The following OPRPN variants were observed in gnomAD, a reference collection of about 807,000 sequenced individuals.
OPRPN encodes the protein opiorphin prepropeptide.
A neutral mutation model predicts 2.2 loss-of-function variants in OPRPN; 1 was observed. The ratio of observed to expected loss-of-function variants is 0.45; its 90% CI spans 0.16 to 2.15. The LOEUF (loss-of-function observed/expected upper bound fraction) is 2.15. OPRPN is among the 30% of genes most tolerant of loss of function. OPRPN has a pLI of 0.28. For missense variants in OPRPN, 306 were observed against 297.3 expected (o/e 1.03, Z -0.21); for synonymous variants, 126 against 111.5 (o/e 1.13, Z -0.82).
At chr4:70,408,337 T>A (rs1446344116) in intron 2 of OPRPN, among the ~76,000 whole-genome samples, 2 of 152,232 alleles carry the variant, frequency 1.3e-5, no homozygotes, top group African/African-American at 4.8e-5. Context: ...CTTGTTCATT[T>A]GTTTATGATA....
intron 2 of OPRPN, among the ~76,000 whole-genome samples, chr4:70,405,444 T>C (rs1451497443): frequency 6.6e-6 from 1 of 152,200 alleles, no homozygotes; most frequent in Admixed American, 6.5e-5. Context: ...TCCATGACAC[T>C]GTACCATCTG....
At chr4:70,406,928 C>T (rs1239317592) in intron 2 of OPRPN, among the ~76,000 whole-genome samples, 2 of 152,000 alleles carry the variant, frequency 1.3e-5, no homozygotes, top group African/African-American at 4.8e-5. Flanking sequence ...TTCTTCCTTC[C>T]TTAAATAAGA....
At chr4:70,408,608 T>G (rs1037155553) in intron 2 of OPRPN, among the ~76,000 whole-genome samples, 2 of 152,176 alleles carry the variant, frequency 1.3e-5, no homozygotes, top group African/African-American at 2.4e-5. Context: ...TCTAAGCACT[T>G]TACATAGATT....
At chr4:70,405,893 A>C (rs957255339) in intron 2 of OPRPN, among the ~76,000 whole-genome samples, 2 of 148,808 alleles carry the variant, frequency 1.3e-5, no homozygotes, top group Admixed American at 6.7e-5. Flanking sequence ...GCAAGACCCC[A>C]TATCCACAAA....
Position 70,409,619 on chromosome 4 carries a change from A to G in OPRPN, c.291A>G (p.Arg97=), listed in dbSNP as rs1167315874. The part of the protein sequence containing the change: ...LFPLESIRQP[R]LFPGYPNLHF... The stretch of plus-strand genomic sequence containing the variant: ...CATTGGAATCTATTAGACAACCTCG[A>G]CTCTTTCCGGGTTATCCAAACCTAC... Residue 97 remains arginine (R), a synonymous_variant, in exon 3 of 3, where the codon CGA becomes CGG. Coordinates refer to ENST00000399575, the MANE Select transcript of OPRPN (RefSeq NM_021225.5). 1 of 1,613,342 alleles carries G rather than the reference A, an allele frequency of 6.2e-7. No homozygotes were observed.
At chr4:70,399,895 C>G (rs1290575095) in intron 2 of OPRPN, among the ~76,000 whole-genome samples, 1 of 151,850 alleles carries the variant, frequency 6.6e-6, no homozygotes, top group African/African-American at 2.4e-5. Context: ...AATTAAAGTG[C>G]TACTCACTTG....
chr4:70,402,418 T>C (rs1387957185), intron 2 of OPRPN, among the ~76,000 whole-genome samples: 1 of 152,150 alleles, frequency 6.6e-6, no homozygotes, highest in African/African-American at 2.4e-5. Flanking sequence ...CTCCTTGCCA[T>C]GTGCAAGGAA....
chr4:70,403,284 C>A (rs1733019303), intron 2 of OPRPN, among the ~76,000 whole-genome samples: 1 of 152,112 alleles, frequency 6.6e-6, no homozygotes, highest in African/African-American at 2.4e-5. Flanking sequence ...ATATTGTAGG[C>A]TTCTGTGGGC....
In OPRPN at chr4:70,406,887, A is replaced by C. The variant is rs560881128; in HGVS notation, c.52-2493A>C. 2.0e-5 allele frequency among the ~76,000 whole-genome samples: 3 copies of C among 152,260 alleles called. No homozygotes were observed. In the South Asian group the frequency reaches 6.2e-4, roughly 32 times the overall value. ...ACTTCCTTTTTCCTTAAAGGAAGGA[A>C]ACATGCCTGGCCAGGTTCTCAATAA... On this transcript the variant is annotated intron_variant, in intron 2 of 2. Transcript: ENST00000399575.
intron 2 of OPRPN, among the ~76,000 whole-genome samples, chr4:70,405,722 T>A (rs1254259336): frequency 1.3e-5 from 2 of 152,194 alleles, no homozygotes; most frequent in Non-Finnish European, 2.9e-5. Context: ...AGCCATGACT[T>A]AAGATCTCAA....
chr4:70,405,192 G>A (rs150241543), intron 2 of OPRPN, among the ~76,000 whole-genome samples: 1,754 of 152,170 alleles, frequency 0.012, 17 homozygotes, highest in Non-Finnish European at 0.018. Context: ...CCCAAATGTA[G>A]ACTCCTTAAG....
chr4:70,405,352 G>C (rs1211054909), intron 2 of OPRPN, among the ~76,000 whole-genome samples: 1 of 152,146 alleles, frequency 6.6e-6, no homozygotes, highest in Non-Finnish European at 1.5e-5. Flanking sequence ...TTTGCTGTAA[G>C]GTGTAATTTT....
intron 2 of OPRPN, among the ~76,000 whole-genome samples, chr4:70,400,278 C>T (rs1165705714): frequency 6.6e-6 from 1 of 151,770 alleles, no homozygotes; most frequent in Non-Finnish European, 1.5e-5. Context: ...ATAGTATCTA[C>T]CTAAGAGAAA....
chr4:70,401,830 A>G (rs1732989649), intron 2 of OPRPN, among the ~76,000 whole-genome samples: 1 of 152,258 alleles, frequency 6.6e-6, no homozygotes. Context: ...GAGTAACGAC[A>G]GCATTTTTGC....
At chr4:70,399,516 C>T (rs528135996) in intron 2 of OPRPN, 180 bp downstream of exon 2, 92 of 540,050 alleles carry the variant, frequency 1.7e-4, no homozygotes, top group African/African-American at 1.4e-3. Flanking sequence ...ATCTAGTCAG[C>T]GGTTGCTAAG....
At chr4:70,401,633 A>G (rs1276323411) in intron 2 of OPRPN, among the ~76,000 whole-genome samples, 1 of 152,112 alleles carries the variant, frequency 6.6e-6, no homozygotes, top group Non-Finnish European at 1.5e-5. Context: ...GAATGACACA[A>G]CAAGTGAATG....
chr4:70,404,841 A>G (rs1021560120), intron 2 of OPRPN, among the ~76,000 whole-genome samples: 16 of 152,216 alleles, frequency 1.1e-4, no homozygotes, highest in African/African-American at 3.9e-4. Context: ...TAAATGTTTT[A>G]CAAATAAATA....
intron 1 of OPRPN, 25 bp from the exon 2 acceptor site, chr4:70,399,246 T>C (rs1436741131): frequency 4.5e-6 from 7 of 1,540,462 alleles, no homozygotes; most frequent in Non-Finnish European, 5.3e-6. Context: ...TGGCTAACTG[T>C]GGATAATCTT....
At chr4:70,407,094 G>A (rs1477289741) in intron 2 of OPRPN, among the ~76,000 whole-genome samples, 1 of 152,088 alleles carries the variant, frequency 6.6e-6, no homozygotes, top group South Asian at 2.1e-4. Context: ...TGTCCTTATA[G>A]CTTAGTTTGC....
Sources: gnomAD v4.1 joint callset for allele counts (sites outside exome capture counted in the v4.1 genomes callset) on GRCh38, gnomAD v4.1.1 for gene constraint, MANE v1.5 for transcripts, NCBI Gene and HGNC (gene_info 2026-07-23, HGNC 2026-07-21) for gene names.